Variants in CA10 observed in about 807,000 individuals in gnomAD.
CA10 encodes carbonic anhydrase-related protein 10.
In CA10, 14 loss-of-function variants were observed where a neutral mutation model predicts 44.2. That is an observed-to-expected ratio of 0.32 (90% CI 0.21 to 0.50). The LOEUF is 0.50. Among genes scored for constraint, CA10 ranks in the 20% least tolerant of loss-of-function variants. The pLI is 0.99. For synonymous variants in CA10, 159 were observed against 141.6 expected (o/e 1.12, Z -0.87); for missense variants, 350 against 409.7 (o/e 0.85, Z 1.26).
intron 4 of CA10, among the ~76,000 whole-genome samples, chr17:51,676,070 TAAGTG>T (rs1008104926): frequency 1.9e-4 from 29 of 152,214 alleles, no homozygotes; most frequent in African/African-American, 6.5e-4. Flanking sequence ...TAGTGCTACT[TAAGTG>T]GAGTCTGTGA....
chr17:52,125,208 G>A (rs755592117), intron 1 of CA10, among the ~76,000 whole-genome samples: 2 of 152,150 alleles, frequency 1.3e-5, no homozygotes, highest in Non-Finnish European at 2.9e-5. Context: ...GAGTGCTTCC[G>A]CCATCGTGGT....
chr17:51,812,916 C>T (rs1027849264), intron 3 of CA10, among the ~76,000 whole-genome samples: 7 of 152,176 alleles, frequency 4.6e-5, no homozygotes, highest in African/African-American at 1.7e-4. Flanking sequence ...AAATAGCTCC[C>T]CATTTTCAAC....
chr17:51,816,944 C>T (rs1454044652), intron 3 of CA10, among the ~76,000 whole-genome samples: 2 of 152,178 alleles, frequency 1.3e-5, no homozygotes, highest in African/African-American at 4.8e-5. Flanking sequence ...TGTCATCCCA[C>T]ATTGGGCTAT....
At chr17:52,056,166 T>G (rs2970029) in intron 2 of CA10, among the ~76,000 whole-genome samples, 150,787 of 152,146 alleles carry the variant, frequency 0.99, 74,736 homozygotes, top group East Asian at 1. Context: ...CTCAAATCTA[T>G]AAATATGCAC....
At chr17:51,676,726 T>G (rs1914637137) in intron 4 of CA10, among the ~76,000 whole-genome samples, 1 of 152,198 alleles carries the variant, frequency 6.6e-6, no homozygotes, top group Non-Finnish European at 1.5e-5. Flanking sequence ...CTCCCCACTT[T>G]TAGCAGGTTA....
intron 3 of CA10, among the ~76,000 whole-genome samples, chr17:51,794,750 G>T (rs189116071): frequency 6.6e-6 from 1 of 152,238 alleles, no homozygotes; most frequent in East Asian, 1.9e-4. Context: ...ACAGTGGGGT[G>T]AAAAAGTTGA....
chr17:52,152,864 C>T (rs531852560), intron 1 of CA10, among the ~76,000 whole-genome samples: 29 of 152,130 alleles, frequency 1.9e-4, no homozygotes, highest in African/African-American at 6.3e-4. Flanking sequence ...TTTTATTTTA[C>T]AGATGAGGAT....
intron 2 of CA10, among the ~76,000 whole-genome samples, chr17:52,023,411 G>T (rs1477980495): frequency 6.6e-6 from 1 of 152,008 alleles, no homozygotes; most frequent in East Asian, 1.9e-4. Flanking sequence ...ATAACTGGCT[G>T]TGCATATGCA....
chr17:52,152,946 A>G (rs187569215), intron 1 of CA10, among the ~76,000 whole-genome samples: 17 of 152,244 alleles, frequency 1.1e-4, no homozygotes, highest in African/African-American at 4.1e-4. Context: ...GTTGAAGGAT[A>G]GGTCTTCTGA....
intron 3 of CA10, among the ~76,000 whole-genome samples, chr17:51,930,551 A>C (rs1473003822): frequency 8.0e-6 from 1 of 124,840 alleles, no homozygotes; most frequent in Non-Finnish European, 1.8e-5. Context: ...CTTATAAATC[A>C]TCTAAGGTGA....
At chr17:51,956,171 ATT>A (rs5820890) in intron 2 of CA10, among the ~76,000 whole-genome samples, 1 of 151,924 alleles carries the variant, frequency 6.6e-6, no homozygotes. Flanking sequence ...TTTGATTCAG[ATT>A]TTTTTTTAAA....
At chr17:51,652,403 G>A (rs1386022095) in intron 5 of CA10, among the ~76,000 whole-genome samples, 2 of 152,236 alleles carry the variant, frequency 1.3e-5, no homozygotes, top group Non-Finnish European at 2.9e-5. Flanking sequence ...AGTTTCCTTT[G>A]AGATGTCATG....
At chr17:52,094,336 T>C (rs1988348846) in intron 1 of CA10, among the ~76,000 whole-genome samples, 3 of 149,734 alleles carry the variant, frequency 2.0e-5, no homozygotes, top group Admixed American at 1.3e-4. Flanking sequence ...AAAAAGATTA[T>C]GTCCTTAAAA....
intron 3 of CA10, among the ~76,000 whole-genome samples, chr17:51,760,071 C>T (rs1321868226): frequency 1.3e-5 from 2 of 152,194 alleles, no homozygotes; most frequent in Non-Finnish European, 2.9e-5. Context: ...AACTCCCGAT[C>T]TCCAGTTATT....
At chr17:51,740,047 C>G (rs544126398) in intron 4 of CA10, among the ~76,000 whole-genome samples, 1 of 145,468 alleles carries the variant, frequency 6.9e-6, no homozygotes, top group African/African-American at 2.4e-5. Flanking sequence ...ATTCTAGAAC[C>G]TCTGTTAATA....
intron 4 of CA10, among the ~76,000 whole-genome samples, chr17:51,685,333 A>G (rs1914972143): frequency 6.6e-6 from 1 of 152,156 alleles, no homozygotes; most frequent in Non-Finnish European, 1.5e-5. Flanking sequence ...GGGAAGTCCC[A>G]TAGGCTGGGA....
chr17:51,954,572 TA>T (rs565802892), intron 2 of CA10, among the ~76,000 whole-genome samples: 3 of 151,990 alleles, frequency 2.0e-5, no homozygotes, highest in African/African-American at 4.8e-5. Flanking sequence ...CTAGAGCTAG[TA>T]AAAAAAACCA....
At chr17:52,138,017 C>T (rs1989396954) in intron 1 of CA10, among the ~76,000 whole-genome samples, 1 of 152,184 alleles carries the variant, frequency 6.6e-6, no homozygotes, top group Non-Finnish European at 1.5e-5. Context: ...TAAAACAACA[C>T]AAATGTATTA....
intron 1 of CA10, among the ~76,000 whole-genome samples, chr17:52,104,983 A>T (rs76357287): frequency 2.6e-4 from 40 of 152,338 alleles, no homozygotes; most frequent in Non-Finnish European, 4.4e-4. Flanking sequence ...ATGAAAGATC[A>T]GCCTAGCTGC....
Sources: gnomAD v4.1 joint callset for allele counts (sites outside exome capture counted in the v4.1 genomes callset) on GRCh38, gnomAD v4.1.1 for gene constraint, MANE v1.5 for transcripts, NCBI Gene and HGNC (gene_info 2026-07-23, HGNC 2026-07-21) for gene names.